The following POLR1A variants were observed in gnomAD, a reference collection of about 807,000 sequenced individuals.
POLR1A encodes the protein DNA-directed RNA polymerase I subunit RPA1.
POLR1A carries 84 observed loss-of-function variants against 205.3 expected under a neutral mutation model. That is an observed-to-expected ratio of 0.41 (90% confidence interval 0.34 to 0.49). POLR1A has a LOEUF of 0.49. Among genes scored for constraint, POLR1A ranks in the 20% least tolerant of loss-of-function variants. The probability of loss-of-function intolerance (pLI) is 0.22; values close to 1 mark genes in which losing one functional copy is unlikely to be tolerated. For synonymous variants in POLR1A, 799 were observed against 863.7 expected (o/e 0.93, Z 1.31); for missense variants, 1,645 against 2,204.5 (o/e 0.75, Z 5.08).
chr2:86,042,600 A>T (rs1308318890), intron 23 of POLR1A, among the ~76,000 whole-genome samples: 1 of 152,196 alleles, frequency 6.6e-6, no homozygotes, highest in Non-Finnish European at 1.5e-5. Context: ...CAGCAGAGGG[A>T]AAGGCAGGAG....
intron 7 of POLR1A, among the ~76,000 whole-genome samples, chr2:86,082,842 T>C (rs1385662295): frequency 6.6e-6 from 1 of 152,202 alleles, no homozygotes; most frequent in Non-Finnish European, 1.5e-5. Flanking sequence ...CCACCTGCAG[T>C]TGTCATTTCA....
At position 86,030,275 on chromosome 2, in the gene POLR1A, G is replaced by A. The variant is rs955665786; in HGVS notation, c.4700C>T (p.Thr1567Ile). 3.7e-6 allele frequency: 6 copies of A among 1,614,072 alleles called. No individual in the cohort carries two copies. In the African/African-American group the frequency reaches 8.0e-5, roughly 22 times the overall value. The change falls in exon 31 of 34, where the codon ACA becomes ATA. Residue 1567 changes from threonine (T) to isoleucine (I), a missense_variant. This residue lies in a region of POLR1A where 394 missense variants were observed against 468.5 expected (regional missense o/e 0.84). Coordinates refer to ENST00000263857, the MANE Select transcript of POLR1A (RefSeq NM_015425.6). ...KGITRCLLNE[T>I]TNNKNEKELV... ...CTCCTTCTCGTTCTTATTGTTGGTT[G>A]TTTCATTCAGGAGGCACCGAGTGAT...
At chr2:86,098,855 G>C (rs1673758076) in intron 2 of POLR1A, 95 bp from the exon 3 acceptor site, 2 of 1,157,062 alleles carry the variant, frequency 1.7e-6, no homozygotes, top group South Asian at 2.7e-5. Context: ...TATGTAGTCA[G>C]TCTATTCCTT....
chr2:86,084,684 T>TC (rs1380688492), intron 6 of POLR1A, among the ~76,000 whole-genome samples: 58 of 137,374 alleles, frequency 4.2e-4, no homozygotes, highest in Admixed American at 1.3e-3. Context: ...TTTTTTTTTT[T>TC]CAAGACGGAG....
chr2:86,033,774 G>T lies in POLR1A; in HGVS notation c.4048C>A (p.Leu1350Met), dbSNP rs376185078. The change falls in exon 28 of 34, where the codon CTG becomes ATG. Residue 1350 changes from leucine (L) to methionine (M), a missense_variant. Leu to Met is a conservative substitution (Grantham distance 15, BLOSUM62 2). This residue lies in a region of POLR1A where 394 missense variants were observed against 468.5 expected (regional missense o/e 0.84). Transcript: ENST00000263857. ...RFMETRFFKL[L>M]MESIKKKNNK... is the part of the protein sequence containing the mutation. ...TTCTTCTTTTTGATGGATTCCATCAGAAGTTTAAAGAATCTAAAACAAGAA... is the reference window on the plus strand; with the variant it reads ...TTCTTCTTTTTGATGGATTCCATCATAAGTTTAAAGAATCTAAAACAAGAA... 6 of 1,613,806 alleles carry T rather than the reference G, an allele frequency of 3.7e-6. No individual in the cohort carries two copies. The highest frequency in any genetic ancestry group is 5.1e-6 in the Non-Finnish European group (6 of 1,179,940).
chr2:86,034,973 C>T (rs768609845), intron 27 of POLR1A, among the ~76,000 whole-genome samples: 49 of 152,122 alleles, frequency 3.2e-4, no homozygotes, highest in Non-Finnish European at 5.7e-4. Context: ...CGGATTCAAA[C>T]GATTCTCATG....
chr2:86,082,164 G>T (rs1017085776), intron 7 of POLR1A, among the ~76,000 whole-genome samples: 1 of 151,970 alleles, frequency 6.6e-6, no homozygotes, highest in South Asian at 2.1e-4. Flanking sequence ...ACAAAAAATA[G>T]CCCCTGTGTA....
At chr2:86,029,995 A>G (rs1238477041) in intron 31 of POLR1A, among the ~76,000 whole-genome samples, 1 of 152,216 alleles carries the variant, frequency 6.6e-6, no homozygotes, top group Non-Finnish European at 1.5e-5. Flanking sequence ...GGGGACCTGA[A>G]TGAGGCTAAC....
chr2:86,088,117 G>T (rs762523214), intron 6 of POLR1A, among the ~76,000 whole-genome samples: 2 of 152,146 alleles, frequency 1.3e-5, no homozygotes, highest in Non-Finnish European at 2.9e-5. Flanking sequence ...TCTACCTGGG[G>T]GGATCTGGGT....
chr2:86,087,124 T>C (rs888382553), intron 6 of POLR1A, among the ~76,000 whole-genome samples: 2 of 152,232 alleles, frequency 1.3e-5, no homozygotes, highest in Non-Finnish European at 2.9e-5. Flanking sequence ...AAATGCACCA[T>C]GGTAATCTAC....
Position 86,081,626 on chromosome 2 carries a change from C to A in POLR1A, c.898G>T (p.Asp300Tyr). Reference sequence around the variant, plus strand: ...CTTGAGGGCGGCACCACCAAGAAATCTAGAAAGAACACACTGGGATTGAAT... The same window carrying A: ...CTTGAGGGCGGCACCACCAAGAAATATAGAAAGAACACACTGGGATTGAAT... The part of the protein sequence containing the change: ...SRFNPSVFFL[D>Y]FLVVPPSRYR... The change falls in exon 8 of 34, where the codon GAT becomes TAT. Residue 300 changes from aspartate to tyrosine, a missense_variant. Asp to Tyr is a radical substitution (Grantham distance 160, BLOSUM62 -3). Transcript: ENST00000263857. 1.2e-6 allele frequency: 2 copies of A among 1,607,556 alleles called. No homozygotes were observed.
intron 17 of POLR1A, 51 bp downstream of exon 17, chr2:86,049,109 C>T (rs755166586): frequency 6.2e-7 from 1 of 1,610,686 alleles, no homozygotes; most frequent in South Asian, 1.1e-5. Context: ...TTTGACTCAG[C>T]ACACACTTCA....
intron 3 of POLR1A, among the ~76,000 whole-genome samples, 199 bp downstream of exon 3, chr2:86,098,411 CT>C (rs1387355135): frequency 6.6e-6 from 1 of 152,188 alleles, no homozygotes; most frequent in Admixed American, 6.5e-5. Context: ...TGGTATTTCA[CT>C]ATTGTTTCTA....
intron 16 of POLR1A, among the ~76,000 whole-genome samples, chr2:86,050,210 C>T (rs1415305880): frequency 6.6e-6 from 1 of 152,168 alleles, no homozygotes; most frequent in Non-Finnish European, 1.5e-5. Context: ...GCCACTGCAC[C>T]TGGCCAAAAC....
chr2:86,096,767 G>A (rs958021465), intron 3 of POLR1A, among the ~76,000 whole-genome samples: 1 of 151,956 alleles, frequency 6.6e-6, no homozygotes, highest in Non-Finnish European at 1.5e-5. Flanking sequence ...CTCTACAAAA[G>A]TCAACTCAAA....
chr2:86,090,154 G>A (rs1330277131), intron 3 of POLR1A, among the ~76,000 whole-genome samples: 2 of 152,100 alleles, frequency 1.3e-5, no homozygotes, highest in Non-Finnish European at 2.9e-5. Context: ...AGCACTTTGG[G>A]AGGCAGAGGC....
rs1218893129 is a variant in POLR1A at position 86,030,179 on chromosome 2, C to A, written c.4779+17G>T. 1.7e-5 allele frequency: 28 copies of A among 1,606,852 alleles called. No individual in the cohort carries two copies. The highest frequency in any genetic ancestry group is 2.3e-5 in the Non-Finnish European group (27 of 1,173,450). On this transcript the variant is annotated intron_variant, in intron 31 of 33. Coordinates refer to ENST00000263857, the MANE Select transcript of POLR1A (RefSeq NM_015425.6). Reference sequence around the variant, plus strand: ...GGACTAATGCTTTGTCCCAGGCCAGCAGACAGCCTGTCTTACCTCTGCATA... The same window carrying A: ...GGACTAATGCTTTGTCCCAGGCCAGAAGACAGCCTGTCTTACCTCTGCATA...
rs2104398873 is a variant in POLR1A at position 86,052,857 on chromosome 2, G to C, written c.2352C>G (p.Leu784=). The change falls in exon 16 of 34, where the codon CTC becomes CTG. Residue 784 remains leucine, a synonymous_variant. Coordinates refer to ENST00000263857, the MANE Select transcript of POLR1A (RefSeq NM_015425.6). ...SGKVLTCLAR[L]FTAYLQLYRG... ...TGTAGAGCTGCAGGTAGGCGGTGAA[G>C]AGGCGGGCCAGGCAGGTTAGAACCT... The C allele has an allele frequency of 6.3e-7, 1 of 1,588,374 alleles. No homozygotes were observed. Among genetic ancestry groups the C allele is most frequent in the African/African-American group, 1.4e-5 (1 of 73,830 alleles).
chr2:86,046,732 A>C (rs1052352576), intron 19 of POLR1A, among the ~76,000 whole-genome samples: 1 of 151,994 alleles, frequency 6.6e-6, no homozygotes, highest in African/African-American at 2.4e-5. Context: ...TAATCCCGAG[A>C]GGCAGGAGAA....
Sources: allele counts gnomAD v4.1 joint callset (sites outside exome capture counted in the v4.1 genomes callset), GRCh38; gene constraint gnomAD v4.1.1; regional missense constraint gnomAD v4.1.1; transcripts MANE v1.5; gene names NCBI Gene and HGNC (gene_info 2026-07-23, HGNC 2026-07-21).